LRFN1: variants seen among roughly 807,000 people sequenced by gnomAD.
The protein encoded by LRFN1 is leucine rich repeat and fibronectin type III domain containing 1.
LRFN1 carries 20 observed loss-of-function variants against 31.8 expected under a neutral mutation model. That is an observed-to-expected ratio of 0.63 (90% confidence interval 0.44 to 0.91). The LOEUF (loss-of-function observed/expected upper bound fraction) is 0.91. Among genes scored for constraint, LRFN1 ranks in the 40% least tolerant of loss-of-function variants. The pLI is 0.00. For missense variants in LRFN1, 912 were observed against 1,129.8 expected, an observed-to-expected ratio of 0.81 and a Z score of 2.76; for synonymous variants, 514 against 541.3, an observed-to-expected ratio of 0.95 and a Z score of 0.70.
At position 39,315,035 on chromosome 19, in the gene LRFN1, A is replaced by C. The variant is rs1029904539; in HGVS notation, c.302T>G (p.Ile101Ser). The C allele has an allele frequency of 6.3e-7, 1 of 1,595,162 alleles. No individual in the cohort carries two copies. Among genetic ancestry groups the C allele is most frequent in the Non-Finnish European group, 8.5e-7 (1 of 1,177,982 alleles). Residue 101 changes from isoleucine (I) to serine (S), a missense_variant, in exon 4 of 5, where the codon ATC becomes AGC. Transcript: ENST00000248668. This position sits in a 1 kb window ranked among gnomAD's most constrained non-coding sequence, Gnocchi z 4.7. Reference sequence around the variant, plus strand: ...GAAGGCGCCAGCTGCCACCTGGCCGATGGTGTTCCGGGAGAGAGTGAGGTG... The same window carrying C: ...GAAGGCGCCAGCTGCCACCTGGCCGCTGGTGTTCCGGGAGAGAGTGAGGTG... ...LVHLTLSRNT[I>S]GQVAAGAFAD... is the part of the protein sequence containing the mutation.
rs1384441275 is a variant in LRFN1 at position 39,314,950 on chromosome 19, G to C, written c.387C>G (p.Arg129=). 1 of 1,596,694 alleles carries C rather than the reference G, an allele frequency of 6.3e-7. No homozygotes were observed. The highest frequency in any genetic ancestry group is 1.3e-5 in the African/African-American group (1 of 74,882). The change falls in exon 4 of 5, where the codon CGC becomes CGG. Residue 129 remains arginine, a synonymous_variant. Coordinates refer to ENST00000248668, the MANE Select transcript of LRFN1 (RefSeq NM_020862.2). ...TGCCCAGGCCGCGGAGCTGGTCGCC[G>C]CGCACCTCCGCCAGGCGGTTGCTGT... ...HLDSNRLAEV[R]GDQLRGLGNL...
rs1217776304 is a variant in LRFN1 at position 39,314,430 on chromosome 19, G to T, written c.907C>A (p.Arg303=). 1.2e-6 allele frequency: 2 copies of T among 1,607,954 alleles called. No homozygotes were observed. Among genetic ancestry groups the T allele is most frequent in the Non-Finnish European group, 1.7e-6 (2 of 1,178,446 alleles). Residue 303 remains arginine (R), a synonymous_variant, in exon 4 of 5, where the codon CGG becomes AGG. Transcript: ENST00000248668. ...ACCAGGGCCCGGCCCCCCGCCTGCC[G>T]TGTGATCAGCGGGGGCTCACACAGG... is the stretch of plus-strand genomic sequence containing the variant. ...EFLCEPPLIT[R]QAGGRALVVE...
Position 39,307,326 on chromosome 19 carries a change from C to T in LRFN1, c.*307G>A. ...AGTGTCAGGGGGCCCTGCCCCTCCC[C>T]GCGCTTCGCTGTGTAAGGCACCGGC... On this transcript the variant is annotated 3_prime_UTR_variant, in exon 5 of 5. Coordinates refer to ENST00000248668, the MANE Select transcript of LRFN1 (RefSeq NM_020862.2). The surrounding 1 kb of genome is among the most constrained non-coding windows in gnomAD (Gnocchi z 6.7). The T allele has an allele frequency of 2.5e-6, 1 of 400,618 alleles. No homozygotes were observed. Among genetic ancestry groups the T allele is most frequent in the Non-Finnish European group, 4.4e-6 (1 of 227,136 alleles). The allele number at this position is 400,618 out of a possible 1,614,324, so 24.8% of individuals were successfully genotyped here. A position where few individuals can be genotyped will look rare whatever the true frequency, so the allele number is the denominator to read the frequency against.
Position 39,308,599 on chromosome 19 carries a change from CT to C in LRFN1, c.1407-58del. 6.9e-7 allele frequency: 1 copy of C among 1,440,616 alleles called. No homozygotes were observed. Among genetic ancestry groups the C allele is most frequent in the Non-Finnish European group, 9.2e-7 (1 of 1,082,316 alleles). 89.2% of individuals were successfully genotyped at this position (1,440,616 alleles called of 1,614,324 possible). Reference sequence around the variant, plus strand: ...AGTCCCCCCGAACCACGCCCCTTCGCTTTATGCCCCGCCCATGGTGAACAGT... The same window carrying C: ...AGTCCCCCCGAACCACGCCCCTTCGCTTATGCCCCGCCCATGGTGAACAGT... On this transcript the variant is annotated intron_variant, in intron 4 of 4. Transcript: ENST00000248668. This position sits in a 1 kb window ranked among gnomAD's most constrained non-coding sequence, Gnocchi z 6.2.
In LRFN1 at chr19:39,308,837, G is replaced by A. The variant is rs2075140585; in HGVS notation, c.1407-295C>T. On this transcript the variant is annotated intron_variant, in intron 4 of 4. Transcript: ENST00000248668. The surrounding 1 kb of genome is among the most constrained non-coding windows in gnomAD (Gnocchi z 6.2). ...TCTGCATATCCCGGCCCCTGCAGGG[G>A]AGAAGTGCTATGGCTTTTAAGCCCT... Among the ~76,000 whole-genome samples the A allele has an allele frequency of 6.6e-6, 1 of 152,172 alleles. No individual in the cohort carries two copies. The highest frequency in any genetic ancestry group is 1.5e-5 in the Non-Finnish European group (1 of 68,032).
chr19:39,316,977 G>A (rs1415021747), intron 2 of LRFN1, among the ~76,000 whole-genome samples: 2 of 152,180 alleles, frequency 1.3e-5, no homozygotes, highest in African/African-American at 4.8e-5. Flanking sequence ...CTTCCTGCCA[G>A]TGGGGAGGGG....
Position 39,314,125 on chromosome 19 carries a change from G to T in LRFN1, c.1212C>A (p.Thr404=). The change falls in exon 4 of 5, where the codon ACC becomes ACA. Residue 404 remains threonine, a synonymous_variant. Transcript: ENST00000248668. ...APPPAAPPPL[T]EPGSSDIATP... is the part of the protein sequence containing the mutation. ...TGGCGATGTCAGAGGAGCCGGGCTC[G>T]GTGAGAGGCGGCGGGGCAGCCGGCG... 6.2e-7 allele frequency: 1 copy of T among 1,612,124 alleles called. No homozygotes were observed.
Position 39,307,410 on chromosome 19 carries a change from A to AGGGGAAGG in LRFN1, c.*215_*222dup. On this transcript the variant is annotated 3_prime_UTR_variant, in exon 5 of 5. Coordinates refer to ENST00000248668, the MANE Select transcript of LRFN1 (RefSeq NM_020862.2). The surrounding 1 kb of genome is among the most constrained non-coding windows in gnomAD (Gnocchi z 6.7). The stretch of plus-strand genomic sequence containing the variant: ...GTAGGAGGGGGGTCGAGGAGTCCAT[A>AGGGGAAGG]GGGGAAGGGAGGCCGGCAGCCGGTC... The AGGGGAAGG allele has an allele frequency of 2.3e-6, 1 of 443,496 alleles. No homozygotes were observed. Among genetic ancestry groups the AGGGGAAGG allele is most frequent in the Non-Finnish European group, 3.9e-6 (1 of 257,724 alleles). The allele number at this position is 443,496 out of a possible 1,614,324, so 27.5% of individuals were successfully genotyped here.
Position 39,307,818 on chromosome 19 carries a change from C to T in LRFN1, c.2131G>A (p.Gly711Arg), listed in dbSNP as rs1394672649. 4 of 1,492,564 alleles carry T rather than the reference C, an allele frequency of 2.7e-6. No individual in the cohort carries two copies. Among genetic ancestry groups the T allele is most frequent in the Non-Finnish European group, 3.5e-6 (4 of 1,127,786 alleles). The allele number at this position is 1,492,564 out of a possible 1,614,324, so 92.5% of individuals were successfully genotyped here. Residue 711 changes from glycine to arginine, a missense_variant, in exon 5 of 5, where the codon GGG (glycine) becomes AGG (arginine). Physicochemically the swap from Gly to Arg is moderately radical, Grantham distance 125. Coordinates refer to ENST00000248668, the MANE Select transcript of LRFN1 (RefSeq NM_020862.2). This position sits in a 1 kb window ranked among gnomAD's most constrained non-coding sequence, Gnocchi z 6.7. ...TAACTGTGGCTCTGGAATAGTGCCC[C>T]GTAGTCCCCGTCGAACGAATAGCGC... ...QQRYSFDGDY[G>R]ALFQSHSYPR...
rs962695161 is a variant in LRFN1, at chr19:39,315,893, C to T, written c.-38+189G>A. Among the ~76,000 whole-genome samples the T allele has an allele frequency of 6.6e-6, 1 of 152,214 alleles. No homozygotes were observed. Among genetic ancestry groups the T allele is most frequent in the Non-Finnish European group, 1.5e-5 (1 of 68,040 alleles). On this transcript the variant is annotated intron_variant, in intron 3 of 4. Transcript: ENST00000248668. This position sits in a 1 kb window ranked among gnomAD's most constrained non-coding sequence, Gnocchi z 4.7. ...CCTGTCCCTACTTGCGTGTCCCACC[C>T]TCACCTCTGCCCCTCCTGTAGTAGC...
At position 39,314,243 on chromosome 19, in the gene LRFN1, C is replaced by G; in HGVS notation, c.1094G>C (p.Ser365Thr). The change falls in exon 4 of 5, where the codon AGT becomes ACT. Residue 365 changes from serine to threonine, a missense_variant. Ser to Thr is a moderately conservative substitution (Grantham distance 58). Transcript: ENST00000248668. The part of the protein sequence containing the change: ...LDVTITTLRD[S>T]GTFTCIASNA... The stretch of plus-strand genomic sequence containing the variant: ...GGAGGCGATACAAGTGAAGGTGCCA[C>G]TGTCCCTCAAGGTGGTGATGGTCAC... The G allele has an allele frequency of 6.2e-7, 1 of 1,613,280 alleles. No individual in the cohort carries two copies. Among genetic ancestry groups the G allele is most frequent in the Non-Finnish European group, 8.5e-7 (1 of 1,179,688 alleles).
At position 39,314,404 on chromosome 19, in the gene LRFN1, C is replaced by T. The variant is rs1169601960; in HGVS notation, c.933G>A (p.Val311=). Residue 311 remains valine, a synonymous_variant, in exon 4 of 5, where the codon GTG becomes GTA. Coordinates refer to ENST00000248668, the MANE Select transcript of LRFN1 (RefSeq NM_020862.2). The stretch of plus-strand genomic sequence containing the variant: ...GCAGGCTCACCGCCTGGCCTTCCAC[C>T]ACCAGGGCCCGGCCCCCCGCCTGCC... ...ITRQAGGRAL[V]VEGQAVSLRC... is the part of the protein sequence containing the mutation. The T allele has an allele frequency of 2.5e-6, 4 of 1,601,292 alleles. No homozygotes were observed. Among genetic ancestry groups the T allele is most frequent in the South Asian group, 2.2e-5 (2 of 89,174 alleles).
At chr19:39,319,743 C>T (rs1346840681) in intron 1 of LRFN1, among the ~76,000 whole-genome samples, 2 of 152,088 alleles carry the variant, frequency 1.3e-5, no homozygotes, top group African/African-American at 4.8e-5. Context: ...CCCAAGAAAT[C>T]CTAACATCCC....
chr19:39,312,680 C>T (rs528059762), intron 4 of LRFN1, among the ~76,000 whole-genome samples: 4 of 151,860 alleles, frequency 2.6e-5, no homozygotes, highest in South Asian at 2.1e-4. Context: ...TGGTGCACAC[C>T]TATAGTCCCA....
chr19:39,319,077 C>G (rs1252563553), intron 1 of LRFN1, among the ~76,000 whole-genome samples: 1 of 152,092 alleles, frequency 6.6e-6, no homozygotes, highest in African/African-American at 2.4e-5. Flanking sequence ...CCCCCAGAGA[C>G]CAACACCAAA....
At position 39,308,689 on chromosome 19, in the gene LRFN1, C is replaced by G; in HGVS notation, c.1407-147G>C. The G allele has an allele frequency of 1.4e-6, 1 of 738,178 alleles. No individual in the cohort carries two copies. Among genetic ancestry groups the G allele is most frequent in the Non-Finnish European group, 2.2e-6 (1 of 462,732 alleles). The allele number at this position is 738,178 out of a possible 1,614,324, so 45.7% of individuals were successfully genotyped here. On this transcript the variant is annotated intron_variant, in intron 4 of 4. Transcript: ENST00000248668. The surrounding 1 kb of genome is among the most constrained non-coding windows in gnomAD (Gnocchi z 6.2). ...GAGACAACAGCAGCAATTCAAGCCC[C>G]GCCTCCATCAACATATTCCCACCCT...
At chr19:39,312,614 G>A (rs545621169) in intron 4 of LRFN1, among the ~76,000 whole-genome samples, 1 of 152,018 alleles carries the variant, frequency 6.6e-6, no homozygotes, top group East Asian at 1.9e-4. Flanking sequence ...ACCTGTCTGG[G>A]CAATATAGCA....
Position 39,309,773 on chromosome 19 carries a change from C to T in LRFN1, c.1407-1231G>A, listed in dbSNP as rs554425616. Reference sequence around the variant, plus strand: ...ATCACGCTACCAGGTAAGTTTCTTCCGTAAAGGGGTCAAACGTAGCCAAGC... The same window carrying T: ...ATCACGCTACCAGGTAAGTTTCTTCTGTAAAGGGGTCAAACGTAGCCAAGC... On this transcript the variant is annotated intron_variant, in intron 4 of 4. Transcript: ENST00000248668. 2.6e-5 allele frequency among the ~76,000 whole-genome samples: 4 copies of T among 152,268 alleles called. No individual in the cohort carries two copies. In the South Asian group the frequency reaches 6.2e-4, roughly 24 times the overall value.
At chr19:39,309,837 C>T (rs1460123110) in intron 4 of LRFN1, among the ~76,000 whole-genome samples, 2 of 152,188 alleles carry the variant, frequency 1.3e-5, no homozygotes, top group Non-Finnish European at 2.9e-5. Flanking sequence ...CCCCTCCCCT[C>T]GAATGAAGAC....
Sources: gnomAD v4.1 joint callset for allele counts (sites outside exome capture counted in the v4.1 genomes callset) on GRCh38, gnomAD v4.1.1 for gene constraint, Gnocchi (gnomAD v3.1) non-coding constraint, MANE v1.5 for transcripts, NCBI Gene and HGNC (gene_info 2026-07-23, HGNC 2026-07-21) for gene names.